SESTD1: variants seen among roughly 807,000 people sequenced by gnomAD.
SESTD1 encodes SEC14 domain and spectrin repeat-containing protein 1.
A neutral mutation model predicts 101.7 loss-of-function variants in SESTD1; 43 were observed. That is an observed-to-expected ratio of 0.42 (90% CI 0.33 to 0.55). SESTD1 has a LOEUF of 0.55. Among genes scored for constraint, SESTD1 ranks in the 20% least tolerant of loss-of-function variants. The pLI, the probability that SESTD1 is intolerant of heterozygous loss-of-function variation, is 0.07. For missense variants in SESTD1, 647 were observed against 815.1 expected, an observed-to-expected ratio of 0.79 and a Z score of 2.51; for synonymous variants, 283 against 286.8, an observed-to-expected ratio of 0.99 and a Z score of 0.13.
chr2:179,220,886 T>TAA (rs972575418), intron 1 of SESTD1, among the ~76,000 whole-genome samples: 1 of 152,188 alleles, frequency 6.6e-6, no homozygotes, highest in African/African-American at 2.4e-5. Context: ...TCCATTGAGT[T>TAA]AAGACTAAAT....
At chr2:179,217,637 C>T (rs879611707) in intron 1 of SESTD1, among the ~76,000 whole-genome samples, 26 of 152,188 alleles carry the variant, frequency 1.7e-4, no homozygotes, top group Admixed American at 7.9e-4. Flanking sequence ...TGGTTATATA[C>T]CCAAAGGATT....
chr2:179,175,380 T>G (rs1252017347), intron 4 of SESTD1, among the ~76,000 whole-genome samples: 4 of 152,216 alleles, frequency 2.6e-5, no homozygotes, highest in Non-Finnish European at 5.9e-5. Flanking sequence ...ATTTTAAAAT[T>G]ATATGCCTTT....
chr2:179,180,516 A>G (rs1187536798), intron 3 of SESTD1, among the ~76,000 whole-genome samples: 5 of 152,162 alleles, frequency 3.3e-5, no homozygotes, highest in Non-Finnish European at 7.3e-5. Context: ...TTCTAGACAC[A>G]TGCTGGGCCT....
chr2:179,189,629 T>A lies in SESTD1; in HGVS notation c.55+2158A>T, dbSNP rs568293703. On this transcript the variant is annotated intron_variant, in intron 2 of 17. Transcript: ENST00000428443. Reference sequence around the variant, plus strand: ...AGAATTAGAAAAAGGAGGAGTCAAATTATTGCTCTTCGTTGACTTTATGTT... The same window carrying A: ...AGAATTAGAAAAAGGAGGAGTCAAAATATTGCTCTTCGTTGACTTTATGTT... Among the ~76,000 whole-genome samples the A allele has an allele frequency of 2.0e-5, 3 of 152,218 alleles. No homozygotes were observed. The East Asian group carries it at 5.8e-4, about 29-fold the overall frequency.
chr2:179,102,006 A>G lies in SESTD1; in HGVS notation c.*7893T>C, dbSNP rs973273208. 17 of 152,130 alleles carry G rather than the reference A, an allele frequency of 1.1e-4. No homozygotes were observed. Among genetic ancestry groups the G allele is most frequent in the Non-Finnish European group, 2.4e-4 (16 of 68,008 alleles). 9.4% of individuals were successfully genotyped at this position (152,130 alleles called of 1,614,324 possible). A position where few individuals can be genotyped will look rare whatever the true frequency, so the allele number is the denominator to read the frequency against. On this transcript the variant is annotated 3_prime_UTR_variant, in exon 18 of 18. Transcript: ENST00000428443. ...TGGAACTGCTATTGTTTATAGCATG[A>G]TATGATTGTGTTATTTTAAATACAG...
At chr2:179,224,977 G>A (rs1202261419) in intron 1 of SESTD1, among the ~76,000 whole-genome samples, 1 of 152,126 alleles carries the variant, frequency 6.6e-6, no homozygotes, top group Non-Finnish European at 1.5e-5. Flanking sequence ...ACTGAGGAGG[G>A]GGTCACGGGA....
chr2:179,106,789 GACCAAC>G lies in SESTD1; in HGVS notation c.*3104_*3109del, dbSNP rs1256417579. On this transcript the variant is annotated 3_prime_UTR_variant, in exon 18 of 18. Coordinates refer to ENST00000428443, the MANE Select transcript of SESTD1 (RefSeq NM_178123.5). ...ATGAGTCACCAGAACTGAACAAAGTGACCAACAATGAGGACTGGGAACAAAGCCAAT... is the reference window on the plus strand; with the variant it reads ...ATGAGTCACCAGAACTGAACAAAGTGAATGAGGACTGGGAACAAAGCCAAT... 6.6e-6 allele frequency: 1 copy of G among 152,070 alleles called. No individual in the cohort carries two copies. Among genetic ancestry groups the G allele is most frequent in the Non-Finnish European group, 1.5e-5 (1 of 67,982 alleles). 9.4% of individuals were successfully genotyped at this position (152,070 alleles called of 1,614,324 possible).
intron 5 of SESTD1, among the ~76,000 whole-genome samples, chr2:179,167,276 C>T (rs750738421): frequency 1.4e-4 from 21 of 151,946 alleles, no homozygotes; most frequent in Non-Finnish European, 2.8e-4. Context: ...CTTAACACAA[C>T]CAAGGAAACA....
In SESTD1 at chr2:179,224,672, T is replaced by G. The variant is rs543022252; in HGVS notation, c.-25-32806A>C. On this transcript the variant is annotated intron_variant, in intron 1 of 17. Coordinates refer to ENST00000428443, the MANE Select transcript of SESTD1 (RefSeq NM_178123.5). ...CTGAGAAGGAAAGAAGAGCTGAAGG[T>G]TGTGTTGATCACCAATGGCCAATGA... Among the ~76,000 whole-genome samples the G allele has an allele frequency of 1.4e-3, 208 of 152,244 alleles. 1 individual carries two copies. Among genetic ancestry groups the G allele is most frequent in the African/African-American group, 4.8e-3 (198 of 41,554 alleles).
intron 10 of SESTD1, among the ~76,000 whole-genome samples, chr2:179,131,774 A>T (rs1299365574): frequency 6.6e-6 from 1 of 152,158 alleles, no homozygotes; most frequent in Non-Finnish European, 1.5e-5. Context: ...TTTATTTCCC[A>T]ATTTTATACC....
intron 5 of SESTD1, among the ~76,000 whole-genome samples, chr2:179,156,935 T>C (rs1476695689): frequency 6.6e-6 from 1 of 152,218 alleles, no homozygotes; most frequent in Non-Finnish European, 1.5e-5. Flanking sequence ...TGTTATCTTT[T>C]AGAATTTTTA....
intron 5 of SESTD1, among the ~76,000 whole-genome samples, chr2:179,158,586 A>T (rs959115890): frequency 6.6e-6 from 1 of 152,212 alleles, no homozygotes; most frequent in Non-Finnish European, 1.5e-5. Flanking sequence ...TTAAGAGCAT[A>T]TTATCCTTTA....
Position 179,109,874 on chromosome 2 carries a change from C to T in SESTD1, c.*25G>A, listed in dbSNP as rs527474166. The T allele has an allele frequency of 2.0e-5, 32 of 1,611,352 alleles. No individual in the cohort carries two copies. The highest frequency in any genetic ancestry group is 2.5e-5 in the Non-Finnish European group (30 of 1,178,820). The stretch of plus-strand genomic sequence containing the variant: ...TGACAACATGCGGGATTATGAACTG[C>T]AAATCTGTAGGTAGCTGGTAGCTAT... On this transcript the variant is annotated 3_prime_UTR_variant, in exon 18 of 18. Transcript: ENST00000428443.
chr2:179,171,663 A>G (rs2045932611), intron 5 of SESTD1, among the ~76,000 whole-genome samples: 1 of 152,172 alleles, frequency 6.6e-6, no homozygotes, highest in Non-Finnish European at 1.5e-5. Flanking sequence ...TCACACAAGG[A>G]AAGTAAAAGA....
intron 4 of SESTD1, among the ~76,000 whole-genome samples, chr2:179,173,278 A>G (rs998749679): frequency 2.6e-5 from 4 of 152,134 alleles, no homozygotes; most frequent in Non-Finnish European, 5.9e-5. Flanking sequence ...CATCTGACTC[A>G]GTCTCTTTCA....
At chr2:179,110,912 T>C (rs1341266236) in intron 17 of SESTD1, among the ~76,000 whole-genome samples, 1 of 152,172 alleles carries the variant, frequency 6.6e-6, no homozygotes, top group Non-Finnish European at 1.5e-5. Context: ...AAGGTGGGTG[T>C]GAACTTTGAA....
chr2:179,255,712 C>T (rs2047384392), intron 1 of SESTD1, among the ~76,000 whole-genome samples: 1 of 152,212 alleles, frequency 6.6e-6, no homozygotes, highest in Non-Finnish European at 1.5e-5. Context: ...AAGGTGGCTA[C>T]ATTAAACAAC....
intron 9 of SESTD1, 85 bp from the exon 10 acceptor site, chr2:179,132,511 G>T: frequency 6.9e-7 from 1 of 1,440,360 alleles, no homozygotes; most frequent in Non-Finnish European, 9.3e-7. Flanking sequence ...CCCTCCCAAA[G>T]TTCCCCAATT....
chr2:179,122,209 T>A (rs1017733305), intron 12 of SESTD1, among the ~76,000 whole-genome samples: 6 of 152,192 alleles, frequency 3.9e-5, no homozygotes, highest in African/African-American at 1.4e-4. Context: ...TTTTAAAAAA[T>A]GAAAGCAGAA....
Sources: gnomAD v4.1 joint callset for allele counts (sites outside exome capture counted in the v4.1 genomes callset) on GRCh38, gnomAD v4.1.1 for gene constraint, MANE v1.5 for transcripts, NCBI Gene and HGNC (gene_info 2026-07-23, HGNC 2026-07-21) for gene names.